Variants in CPPED1 observed in about 807,000 individuals in gnomAD.
CPPED1 encodes the protein serine/threonine-protein phosphatase CPPED1.
A neutral mutation model predicts 28.0 loss-of-function variants in CPPED1; 28 were observed. The observed-to-expected ratio is 1.00, with a 90% CI of 0.74 to 1.37. CPPED1 has a LOEUF of 1.37. Among genes scored for constraint, CPPED1 ranks in the 40% most tolerant of loss-of-function variants. The pLI is 0.00. For missense variants in CPPED1, 504 were observed against 416.5 expected (o/e 1.21, Z -1.83); for synonymous variants, 198 against 180.2 (o/e 1.10, Z -0.79).
chr16:12,766,931 C>A (rs562191028), intron 2 of CPPED1, among the ~76,000 whole-genome samples: 2 of 152,156 alleles, frequency 1.3e-5, no homozygotes, highest in African/African-American at 4.8e-5. Flanking sequence ...GACAGCATTC[C>A]CAGGTGGGAG....
rs559767484 is a variant in CPPED1 at position 12,684,141 on chromosome 16, G to A, written c.716-19026C>T. ...GAGTGTTTCAGCCTGCCATGCTAGT[G>A]CCCTGAACAAAACCTGCTCTGTTAG... On this transcript the variant is annotated intron_variant, in intron 3 of 3. Transcript: ENST00000381774. Among the ~76,000 whole-genome samples, 6 of 152,282 alleles carry A rather than the reference G, an allele frequency of 3.9e-5. 1 individual carries two copies. Among genetic ancestry groups the A allele is most frequent in the African/African-American group, 1.4e-4 (6 of 41,554 alleles).
At chr16:12,673,424 C>A (rs1218952525) in intron 3 of CPPED1, among the ~76,000 whole-genome samples, 4 of 152,218 alleles carry the variant, frequency 2.6e-5, no homozygotes, top group African/African-American at 9.7e-5. Flanking sequence ...TAGTTGCAAA[C>A]TGTACTATTC....
At chr16:12,720,069 A>T (rs765735659) in intron 2 of CPPED1, among the ~76,000 whole-genome samples, 60 of 152,366 alleles carry the variant, frequency 3.9e-4, no homozygotes, top group Non-Finnish European at 6.2e-4. Context: ...AAAACTGAAC[A>T]AAACTGGATG....
chr16:12,676,560 C>T (rs1199008337), intron 3 of CPPED1, among the ~76,000 whole-genome samples: 1 of 152,128 alleles, frequency 6.6e-6, no homozygotes, highest in East Asian at 1.9e-4. Flanking sequence ...AAGATGTATA[C>T]TTGGATAAGG....
chr16:12,787,419 T>G (rs1328575133), intron 1 of CPPED1, among the ~76,000 whole-genome samples: 3 of 149,800 alleles, frequency 2.0e-5, no homozygotes, highest in African/African-American at 7.4e-5. Context: ...TTTTTTTTTT[T>G]TTTTGAGATG....
At chr16:12,790,210 T>C (rs963328788) in intron 1 of CPPED1, among the ~76,000 whole-genome samples, 4 of 152,250 alleles carry the variant, frequency 2.6e-5, no homozygotes, top group East Asian at 3.8e-4. Flanking sequence ...GATATTCAAA[T>C]TGCAATTGCT....
intron 1 of CPPED1, among the ~76,000 whole-genome samples, chr16:12,783,117 C>T (rs78044656): frequency 0.013 from 1,917 of 152,076 alleles, 41 homozygotes; most frequent in African/African-American, 0.043. Context: ...ACTCAGTGCT[C>T]GTTGGGGGAG....
At chr16:12,728,629 G>C (rs183885187) in intron 2 of CPPED1, among the ~76,000 whole-genome samples, 144 of 152,296 alleles carry the variant, frequency 9.5e-4, no homozygotes, top group African/African-American at 3.3e-3. Context: ...TTACTTGCAT[G>C]ATTGCAACCT....
Position 12,664,389 on chromosome 16 carries a change from G to C in CPPED1, c.*497C>G, listed in dbSNP as rs1650996. 0.91 allele frequency: 915,351 copies of C among 1,000,898 alleles called. 419,754 individuals carry two copies. The highest frequency in any genetic ancestry group is 0.93 in the Non-Finnish European group (779,639 of 840,852). The allele number at this position is 1,000,898 out of a possible 1,614,324, so 62.0% of individuals were successfully genotyped here. A position where few individuals can be genotyped will look rare whatever the true frequency, so the allele number is the denominator to read the frequency against. ...AGTCTGCATGGCTCTCACAACAAGG[G>C]AGACAGCTGTTCGTTCCGCTGGAAA... On this transcript the variant is annotated 3_prime_UTR_variant, in exon 4 of 4. Coordinates refer to ENST00000381774, the MANE Select transcript of CPPED1 (RefSeq NM_018340.3). This position sits in a 1 kb window ranked among gnomAD's most constrained non-coding sequence, Gnocchi z 4.2.
At chr16:12,743,369 T>C (rs772275894) in intron 2 of CPPED1, among the ~76,000 whole-genome samples, 1 of 152,172 alleles carries the variant, frequency 6.6e-6, no homozygotes, top group Non-Finnish European at 1.5e-5. Context: ...AAACACCTTT[T>C]CAGCTCTTAA....
At chr16:12,711,485 T>C (rs1365399925) in intron 2 of CPPED1, among the ~76,000 whole-genome samples, 1 of 152,214 alleles carries the variant, frequency 6.6e-6, no homozygotes, top group African/African-American at 2.4e-5. Context: ...AGGTGGTACA[T>C]GTAACGTTAC....
intron 1 of CPPED1, among the ~76,000 whole-genome samples, chr16:12,795,006 A>G (rs2080618359): frequency 6.6e-6 from 1 of 152,242 alleles, no homozygotes. Context: ...AGACATTTCC[A>G]GAACCTCTCT....
rs372902155 is a variant in CPPED1, at chr16:12,750,212, G to A, written c.289+30973C>T. On this transcript the variant is annotated intron_variant, in intron 2 of 3. Transcript: ENST00000381774. ...TTAGAGGAATCGCTAGCACTTGTTA[G>A]TTTCCTTTAAGAACTTTTCCTTTGC... is the stretch of plus-strand genomic sequence containing the variant. 6.6e-5 allele frequency among the ~76,000 whole-genome samples: 10 copies of A among 152,280 alleles called. No individual in the cohort carries two copies. The East Asian group carries it at 1.9e-3, about 29-fold the overall frequency.
chr16:12,685,995 C>T (rs946771959), intron 3 of CPPED1, among the ~76,000 whole-genome samples: 1 of 152,180 alleles, frequency 6.6e-6, no homozygotes, highest in African/African-American at 2.4e-5. Context: ...AGCGGGTGTG[C>T]AGAGAGATCC....
At chr16:12,773,395 T>C (rs1338872283) in intron 2 of CPPED1, among the ~76,000 whole-genome samples, 1 of 152,208 alleles carries the variant, frequency 6.6e-6, no homozygotes, top group Non-Finnish European at 1.5e-5. Context: ...CACAAACCAC[T>C]TGCATACACA....
intron 1 of CPPED1, among the ~76,000 whole-genome samples, chr16:12,791,577 C>A (rs8044907): frequency 5.3e-5 from 8 of 151,840 alleles, no homozygotes; most frequent in Non-Finnish European, 1.2e-4. Flanking sequence ...GCAGCCCCAC[C>A]TTACCGTTCC....
intron 2 of CPPED1, among the ~76,000 whole-genome samples, chr16:12,712,040 C>T (rs1471133724): frequency 6.6e-6 from 1 of 152,142 alleles, no homozygotes; most frequent in African/African-American, 2.4e-5. Flanking sequence ...CTGAGAAATG[C>T]AGGAAAGAAC....
Position 12,662,321 on chromosome 16 carries a change from T to G in CPPED1, c.*2565A>C, listed in dbSNP as rs1044371858. On this transcript the variant is annotated 3_prime_UTR_variant, in exon 4 of 4. Transcript: ENST00000381774. ...GACTTCTTGCTGAACCTCTTGCCTCTGGGAAATACTGCTGTTTGCTTACTT... is the reference window on the plus strand; with the variant it reads ...GACTTCTTGCTGAACCTCTTGCCTCGGGGAAATACTGCTGTTTGCTTACTT... 2.0e-5 allele frequency: 3 copies of G among 152,250 alleles called. No homozygotes were observed. The highest frequency in any genetic ancestry group is 4.4e-5 in the Non-Finnish European group (3 of 68,046). The allele number at this position is 152,250 out of a possible 1,614,324, so 9.4% of individuals were successfully genotyped here.
rs538694429 is a variant in CPPED1 at position 12,802,198 on chromosome 16, C to T, written c.70+1509G>A. The stretch of plus-strand genomic sequence containing the variant: ...GGAGAGGCAAAGGGAAGATATTCAG[C>T]ATATACATCAACAGAATGTATAAGG... On this transcript the variant is annotated intron_variant, in intron 1 of 3. Coordinates refer to ENST00000381774, the MANE Select transcript of CPPED1 (RefSeq NM_018340.3). Among the ~76,000 whole-genome samples, 3 of 152,254 alleles carry T rather than the reference C, an allele frequency of 2.0e-5. No individual in the cohort carries two copies. In the South Asian group the frequency reaches 6.2e-4, roughly 32 times the overall value.
Sources: gnomAD v4.1 joint callset for allele counts (sites outside exome capture counted in the v4.1 genomes callset) on GRCh38, gnomAD v4.1.1 for gene constraint, Gnocchi (gnomAD v3.1) non-coding constraint, MANE v1.5 for transcripts, NCBI Gene and HGNC (gene_info 2026-07-23, HGNC 2026-07-21) for gene names.